SMAGP: variants seen among roughly 807,000 people sequenced by gnomAD.
The protein encoded by SMAGP is small cell transmembrane and glycosylated protein.
In SMAGP, 7 loss-of-function variants were observed where a neutral mutation model predicts 10.1. That is an observed-to-expected ratio of 0.70 (90% confidence interval 0.40 to 1.31). The LOEUF is 1.31. Among genes scored for constraint, SMAGP ranks in the 50% most tolerant of loss-of-function variants. SMAGP has a pLI of 0.01. For synonymous variants in SMAGP, 49 were observed against 47.2 expected, an observed-to-expected ratio of 1.04 and a Z score of -0.16; for missense variants, 113 against 116.5, an observed-to-expected ratio of 0.97 and a Z score of 0.14.
At chr12:51,257,181 C>T (rs1471604248) in intron 2 of SMAGP, among the ~76,000 whole-genome samples, 1 of 152,072 alleles carries the variant, frequency 6.6e-6, no homozygotes, top group Non-Finnish European at 1.5e-5. Context: ...AGCATGTTTG[C>T]ATACAGATGA....
At chr12:51,260,639 A>C (rs186845080) in intron 2 of SMAGP, among the ~76,000 whole-genome samples, 329 of 149,080 alleles carry the variant, frequency 2.2e-3, no homozygotes, top group African/African-American at 7.6e-3. Flanking sequence ...TGGCCTCCCA[A>C]AATGCTGGGA....
intron 2 of SMAGP, among the ~76,000 whole-genome samples, chr12:51,254,194 A>G (rs1259813306): frequency 6.6e-6 from 1 of 152,204 alleles, no homozygotes; most frequent in Admixed American, 6.6e-5. Flanking sequence ...GTATAATTTT[A>G]CCACAATTAA....
At chr12:51,246,954 C>CTAGAG in intron 2 of SMAGP, 123 bp from the exon 3 acceptor site, 1 of 578,464 alleles carries the variant, frequency 1.7e-6, no homozygotes, top group East Asian at 3.3e-5. Flanking sequence ...CATTTAACTC[C>CTAGAG]TAGAGTATAT....
rs963934053 is a variant in SMAGP at position 51,245,638 on chromosome 12, C to T, written c.*303G>A. On this transcript the variant is annotated 3_prime_UTR_variant, in exon 4 of 4. Transcript: ENST00000603798. ...CTCAAAATCTTTTCTCTCCCTTCAA[C>T]CTGTGAAAAAAGATGACTGGGCACA... 2.0e-5 allele frequency: 6 copies of T among 306,650 alleles called. No individual in the cohort carries two copies. In the South Asian group the frequency reaches 3.4e-4, roughly 17 times the overall value. 19.0% of individuals were successfully genotyped at this position (306,650 alleles called of 1,614,324 possible).
intron 2 of SMAGP, among the ~76,000 whole-genome samples, chr12:51,262,785 C>T (rs918444721): frequency 3.3e-5 from 5 of 152,114 alleles, no homozygotes; most frequent in African/African-American, 1.2e-4. Context: ...GGTCCTTGTT[C>T]CCAGCTTGAG....
At chr12:51,246,142 T>TAG (rs1193310933) in intron 3 of SMAGP, 23 bp from the exon 4 acceptor site, 1 of 1,612,302 alleles carries the variant, frequency 6.2e-7, no homozygotes, top group East Asian at 2.2e-5. Flanking sequence ...AGGGAAAATG[T>TAG]AGAGATGTTT....
intron 2 of SMAGP, 98 bp from the exon 3 acceptor site, chr12:51,246,929 TATTCA>T: frequency 1.3e-6 from 1 of 791,132 alleles, no homozygotes; most frequent in Non-Finnish European, 1.9e-6. Flanking sequence ...CCTTCTTCCC[TATTCA>T]AAAGTTTATC....
At chr12:51,248,721 T>C (rs1370003014) in intron 2 of SMAGP, among the ~76,000 whole-genome samples, 2 of 151,934 alleles carry the variant, frequency 1.3e-5, no homozygotes, top group Non-Finnish European at 1.5e-5. Context: ...GAAGCTTCCA[T>C]TAAAAACCCA....
rs111658372 is a variant in SMAGP at position 51,248,162 on chromosome 12, G to C, written c.35-1331C>G. ...CAGCAAGTGAAATGAGGGTATCAGTGGTGGTCTGGTGGGCCTATGCTAAGA... is the reference window on the plus strand; with the variant it reads ...CAGCAAGTGAAATGAGGGTATCAGTCGTGGTCTGGTGGGCCTATGCTAAGA... On this transcript the variant is annotated intron_variant, in intron 2 of 3. Transcript: ENST00000603798. Among the ~76,000 whole-genome samples the C allele has an allele frequency of 8.2e-4, 125 of 152,242 alleles. 1 individual carries two copies. Among genetic ancestry groups the C allele is most frequent in the Middle Eastern group, 3.4e-3 (1 of 294 alleles).
Position 51,246,849 on chromosome 12 carries a change from G to T in SMAGP, c.35-18C>A. On this transcript the variant is annotated intron_variant, in intron 2 of 3. Coordinates refer to ENST00000603798, the MANE Select transcript of SMAGP (RefSeq NM_001031628.2). ...CAGTTCTTCTGGAAAATGTAGAAAA[G>T]TGGAAAAGGAAATGGAGTGAATTCT... 3.3e-6 allele frequency: 5 copies of T among 1,536,270 alleles called. No individual in the cohort carries two copies. Among genetic ancestry groups the T allele is most frequent in the Non-Finnish European group, 4.4e-6 (5 of 1,139,438 alleles).
chr12:51,253,714 T>C (rs556225533), intron 2 of SMAGP: 1 of 152,378 alleles, frequency 6.6e-6, no homozygotes, highest in African/African-American at 2.4e-5. Flanking sequence ...CATTCCAGCC[T>C]GGCCAACGTG....
chr12:51,264,956 AAGAG>A (rs1201316675), intron 2 of SMAGP, among the ~76,000 whole-genome samples: 1 of 146,528 alleles, frequency 6.8e-6, no homozygotes, highest in African/African-American at 2.5e-5. Context: ...AAAAAAGAGA[AAGAG>A]AGAGAGGACT....
intron 3 of SMAGP, 65 bp downstream of exon 3, chr12:51,246,686 G>A: frequency 8.0e-7 from 1 of 1,257,448 alleles, no homozygotes; most frequent in Non-Finnish European, 1.1e-6. Context: ...ATTTGGTCAG[G>A]CTCCCTCTGG....
intron 1 of SMAGP, 101 bp from the exon 2 acceptor site, chr12:51,269,417 T>G: frequency 1.1e-6 from 1 of 872,808 alleles, no homozygotes; most frequent in African/African-American, 1.7e-5. Flanking sequence ...TTCTCCCAAG[T>G]CCCTTCCCCT....
intron 3 of SMAGP, 131 bp from the exon 4 acceptor site, chr12:51,246,250 T>G (rs547467009): frequency 1.5e-6 from 2 of 1,347,142 alleles, no homozygotes. Flanking sequence ...TCCACTTCCA[T>G]CCAAACCCAT....
At chr12:51,258,601 AAAAG>A (rs1395070141) in intron 2 of SMAGP, among the ~76,000 whole-genome samples, 1 of 151,880 alleles carries the variant, frequency 6.6e-6, no homozygotes, top group African/African-American at 2.4e-5. Context: ...TCAAAAAAAA[AAAAG>A]AAAGAAAAGA....
chr12:51,259,214 T>C (rs1592235628), intron 2 of SMAGP, among the ~76,000 whole-genome samples: 2 of 152,312 alleles, frequency 1.3e-5, no homozygotes, highest in South Asian at 4.1e-4. Flanking sequence ...TGGTGCCTTC[T>C]ACAAAGGCTG....
At chr12:51,247,490 G>A (rs572270958) in intron 2 of SMAGP, among the ~76,000 whole-genome samples, 6 of 152,092 alleles carry the variant, frequency 3.9e-5, no homozygotes, top group South Asian at 2.1e-4. Context: ...CTCCTGCTAC[G>A]GGTTTATTTA....
chr12:51,261,621 A>T (rs960986421), intron 2 of SMAGP, among the ~76,000 whole-genome samples: 1 of 152,190 alleles, frequency 6.6e-6, no homozygotes, highest in African/African-American at 2.4e-5. Flanking sequence ...TCTTGGAGAG[A>T]GAATTCTAGG....
Sources: allele counts gnomAD v4.1 joint callset (sites outside exome capture counted in the v4.1 genomes callset), GRCh38; gene constraint gnomAD v4.1.1; transcripts MANE v1.5; gene names NCBI Gene and HGNC (gene_info 2026-07-23, HGNC 2026-07-21).